The following NRG1 variants were observed in gnomAD, a reference collection of about 807,000 sequenced individuals.
NRG1 encodes neuregulin 1.
NRG1 carries 18 observed loss-of-function variants against 63.8 expected under a neutral mutation model. The ratio of observed to expected loss-of-function variants is 0.28; its 90% CI spans 0.19 to 0.42. The LOEUF (loss-of-function observed/expected upper bound fraction) is 0.42, where lower values mean the gene tolerates loss of function less well. Ranked by LOEUF, NRG1 falls within the 10% of genes least tolerant of loss-of-function variation. The pLI, the probability that NRG1 is intolerant of heterozygous loss-of-function variation, is 1.00. For synonymous variants in NRG1, 302 were observed against 301.3 expected (o/e 1.00, Z -0.02); for missense variants, 762 against 814.7 (o/e 0.94, Z 0.79).
intron 7 of NRG1, among the ~76,000 whole-genome samples, chr8:32,751,620 T>C (rs142248357): frequency 5.8e-4 from 89 of 152,318 alleles, no homozygotes; most frequent in Non-Finnish European, 1.0e-3. Flanking sequence ...ATAAGGGTTG[T>C]AGTGCATCTG....
chr8:32,173,651 C>A (rs991392114), intron 1 of NRG1, among the ~76,000 whole-genome samples: 8 of 151,940 alleles, frequency 5.3e-5, no homozygotes, highest in Non-Finnish European at 1.2e-4. Flanking sequence ...GGAAGATCTA[C>A]CAAACAAATG....
At chr8:32,092,461 C>CAAAAAAAAA (rs71208167) in intron 1 of NRG1, among the ~76,000 whole-genome samples, 6 of 83,604 alleles carry the variant, frequency 7.2e-5, no homozygotes, top group Non-Finnish European at 1.1e-4. Context: ...GACCCTGTCT[C>CAAAAAAAAA]AAAAAAAAAA....
intron 1 of NRG1, among the ~76,000 whole-genome samples, chr8:32,483,668 C>T (rs866342325): frequency 4.6e-5 from 7 of 152,148 alleles, no homozygotes; most frequent in African/African-American, 1.7e-4. Context: ...TTGTGTTCCC[C>T]ACTTGAGCAT....
chr8:32,208,938 T>G (rs1844368131), intron 1 of NRG1, among the ~76,000 whole-genome samples: 1 of 152,182 alleles, frequency 6.6e-6, no homozygotes, highest in Non-Finnish European at 1.5e-5. Flanking sequence ...AAATTTTCAA[T>G]AATAAGCATG....
At chr8:31,791,317 T>C (rs536700682) in intron 1 of NRG1, among the ~76,000 whole-genome samples, 1 of 152,144 alleles carries the variant, frequency 6.6e-6, no homozygotes, top group African/African-American at 2.4e-5. Context: ...AGAAAATTTG[T>C]AAGGACGTAG....
intron 1 of NRG1, among the ~76,000 whole-genome samples, chr8:31,867,197 G>T (rs1829037959): frequency 6.6e-6 from 1 of 152,094 alleles, no homozygotes; most frequent in African/African-American, 2.4e-5. Context: ...ACTGCCTGGG[G>T]GAAAAGATTG....
At chr8:32,120,575 G>T (rs1195316046) in intron 1 of NRG1, among the ~76,000 whole-genome samples, 1 of 152,040 alleles carries the variant, frequency 6.6e-6, no homozygotes, top group Non-Finnish European at 1.5e-5. Context: ...TTCTTCAAAT[G>T]TTAAAACTGA....
rs76868714 is a variant in NRG1, at chr8:32,185,047, A to G, written c.38-410781A>G. On this transcript the variant is annotated intron_variant, in intron 1 of 10. Coordinates refer to the NRG1 transcript ENST00000519301. Reference sequence around the variant, plus strand: ...AAATGAATGATTGAAATTCCATAGTATATTTGTCATTTTTCCTAAGCCTGT... The same window carrying G: ...AAATGAATGATTGAAATTCCATAGTGTATTTGTCATTTTTCCTAAGCCTGT... Among the ~76,000 whole-genome samples the G allele has an allele frequency of 2.5e-3, 373 of 152,184 alleles. 2 individuals are homozygous for G. Among genetic ancestry groups the G allele is most frequent in the African/African-American group, 8.8e-3 (365 of 41,516 alleles).
intron 1 of NRG1, among the ~76,000 whole-genome samples, chr8:32,390,447 G>T (rs1397255762): frequency 1.3e-5 from 2 of 151,682 alleles, no homozygotes; most frequent in African/African-American, 4.8e-5. Context: ...GTGGTGATGA[G>T]CACCTGTAGT....
chr8:32,469,017 G>C (rs1230965766), intron 1 of NRG1, among the ~76,000 whole-genome samples: 1 of 152,106 alleles, frequency 6.6e-6, no homozygotes, highest in Non-Finnish European at 1.5e-5. Context: ...AAAACCAATA[G>C]GAATTAAGAT....
intron 1 of NRG1, among the ~76,000 whole-genome samples, chr8:31,788,980 C>A (rs1031386588): frequency 1.7e-4 from 26 of 152,132 alleles, no homozygotes; most frequent in Non-Finnish European, 3.1e-4. Flanking sequence ...TAGAGAACTG[C>A]CCATTATAAC....
At chr8:32,548,910 C>T (rs1833521317) in intron 1 of NRG1, 84 bp downstream of exon 1, 15 of 1,445,728 alleles carry the variant, frequency 1.0e-5, no homozygotes, top group Non-Finnish European at 1.4e-5. Context: ...GTGGCCTCTC[C>T]CTCCCCCTCT....
At chr8:32,755,569 GA>G (rs1459923485) in intron 8 of NRG1, among the ~76,000 whole-genome samples, 1 of 152,128 alleles carries the variant, frequency 6.6e-6, no homozygotes, top group Non-Finnish European at 1.5e-5. Context: ...AGCGTTACCA[GA>G]GTAGGAACAT....
intron 1 of NRG1, among the ~76,000 whole-genome samples, chr8:32,234,746 G>T (rs965324882): frequency 5.4e-4 from 82 of 152,228 alleles, no homozygotes; most frequent in African/African-American, 1.9e-3. Flanking sequence ...AAACAGGTTG[G>T]AGAGTGAGGA....
rs560488182 is a variant in NRG1, at chr8:31,851,034, T to C, written c.37+211603T>C. ...TGGCCATATACTCAGTGCCTCCTTA[T>C]ACATGAGTGGAAGTAAGGGGTTCAG... On this transcript the variant is annotated intron_variant, in intron 1 of 10. Transcript: ENST00000519301. 3.5e-4 allele frequency among the ~76,000 whole-genome samples: 54 copies of C among 152,302 alleles called. 3 individuals are homozygous for C. In the South Asian group the frequency reaches 0.011, roughly 30 times the overall value.
intron 1 of NRG1, among the ~76,000 whole-genome samples, chr8:31,755,037 G>A (rs1314848377): frequency 1.3e-5 from 2 of 152,036 alleles, no homozygotes; most frequent in African/African-American, 4.8e-5. Context: ...TGCTAGTTTT[G>A]TAGTTCCTGG....
At chr8:32,523,347 C>T (rs1003833183) in intron 1 of NRG1, among the ~76,000 whole-genome samples, 4 of 152,268 alleles carry the variant, frequency 2.6e-5, no homozygotes, top group African/African-American at 9.6e-5. Context: ...AAAATGTAAA[C>T]CAGTGCTCTC....
Position 32,175,399 on chromosome 8 carries a change from G to A in NRG1, c.38-420429G>A, listed in dbSNP as rs1052431546. Among the ~76,000 whole-genome samples the A allele has an allele frequency of 1.6e-4, 24 of 152,248 alleles. No homozygotes were observed. The East Asian group carries it at 2.7e-3, about 17-fold the overall frequency. On this transcript the variant is annotated intron_variant, in intron 1 of 10. Transcript: ENST00000519301. ...CATACTGAATGGGCAAAAACTGGAA[G>A]CATTCCCTTTGAAAACTGGCACAAG... is the stretch of plus-strand genomic sequence containing the variant.
At chr8:31,969,933 T>G (rs900216970) in intron 1 of NRG1, among the ~76,000 whole-genome samples, 2 of 152,152 alleles carry the variant, frequency 1.3e-5, no homozygotes, top group African/African-American at 4.8e-5. Context: ...AACTGAAGAA[T>G]GGGCAGGTAA....
Sources: gnomAD v4.1 joint callset for allele counts (sites outside exome capture counted in the v4.1 genomes callset) on GRCh38, gnomAD v4.1.1 for gene constraint, MANE v1.5 for transcripts, NCBI Gene and HGNC (gene_info 2026-07-23, HGNC 2026-07-21) for gene names.